MINDY4: variants seen among roughly 807,000 people sequenced by gnomAD.
The protein encoded by MINDY4 is MINDY lysine 48 deubiquitinase 4, also known as probable ubiquitin carboxyl-terminal hydrolase MINDY-4.
Under a neutral mutation model 87.0 loss-of-function variants are expected in MINDY4, and 68 were observed. The ratio of observed to expected loss-of-function variants is 0.78; its 90% CI spans 0.64 to 0.96. The LOEUF is 0.96. MINDY4 is among the 40% of genes least tolerant of loss of function. MINDY4 has a pLI of 0.00. For synonymous variants in MINDY4, 379 were observed against 363.2 expected (o/e 1.04, Z -0.50); for missense variants, 919 against 928.2 (o/e 0.99, Z 0.13).
intron 5 of MINDY4, among the ~76,000 whole-genome samples, chr7:30,816,447 C>G (rs552655232): frequency 5.3e-5 from 8 of 152,044 alleles, no homozygotes; most frequent in African/African-American, 1.7e-4. Context: ...CAAGGCCTGT[C>G]GGGAGGGACA....
At chr7:30,808,463 G>A (rs1361634521) in intron 5 of MINDY4, among the ~76,000 whole-genome samples, 1 of 151,958 alleles carries the variant, frequency 6.6e-6, no homozygotes, top group African/African-American at 2.4e-5. Flanking sequence ...TGTGTGTGTG[G>A]GTGCCCTTTT....
rs1790230848 is a variant in MINDY4 at position 30,875,501 on chromosome 7, G to A, written c.1816G>A (p.Val606Ile). The A allele has an allele frequency of 6.2e-7, 1 of 1,614,054 alleles. No individual in the cohort carries two copies. The highest frequency in any genetic ancestry group is 8.5e-7 in the Non-Finnish European group (1 of 1,180,030). The change falls in exon 15 of 18, where the codon GTC becomes ATC. Residue 606 changes from valine to isoleucine, a missense_variant. Transcript: ENST00000265299. Reference protein sequence around the residue: ...GAHGYCTQELVNLLLTGKAVS... With the variant: ...GAHGYCTQELINLLLTGKAVS... ...CCCTTTCTCTCATCTGCAGGAACTT[G>A]TCAATCTGCTCCTGACTGGGAAAGC...
chr7:30,891,812 T>C (rs1790800619), intron 17 of MINDY4, 145 bp from the exon 18 acceptor site: 3 of 779,582 alleles, frequency 3.8e-6, no homozygotes, highest in Non-Finnish European at 4.5e-6. Flanking sequence ...TGTGTGAATT[T>C]GGAGGGGTGA....
chr7:30,771,447 TGCTGCGGCCCGGC>T lies in MINDY4; in HGVS notation c.-45_-33del, dbSNP rs1310840352. On this transcript the variant is annotated 5_prime_UTR_variant, in exon 1 of 18. Transcript: ENST00000265299. Reference sequence around the variant, plus strand: ...GCGCCGGACAGACCCAGTTGCCTGGTGCTGCGGCCCGGCGTGGGCCTCGTGGGCAGAGCCAGAG... The same window carrying T: ...GCGCCGGACAGACCCAGTTGCCTGGTGTGGGCCTCGTGGGCAGAGCCAGAG... 2 of 1,577,774 alleles carry T rather than the reference TGCTGCGGCCCGGC, an allele frequency of 1.3e-6. No homozygotes were observed. Among genetic ancestry groups the T allele is most frequent in the Non-Finnish European group, 8.6e-7 (1 of 1,162,412 alleles).
At chr7:30,849,624 T>C (rs1327938368) in intron 9 of MINDY4, among the ~76,000 whole-genome samples, 1 of 152,154 alleles carries the variant, frequency 6.6e-6, no homozygotes, top group East Asian at 1.9e-4. Flanking sequence ...CCTCTGACCC[T>C]TCTTCCTCTG....
At chr7:30,885,557 C>T (rs935208686) in intron 17 of MINDY4, among the ~76,000 whole-genome samples, 5 of 152,086 alleles carry the variant, frequency 3.3e-5, no homozygotes, top group South Asian at 2.1e-4. Context: ...AAACACAAAG[C>T]GCCGTGCCCC....
chr7:30,806,557 A>C (rs1787810822), intron 5 of MINDY4, among the ~76,000 whole-genome samples: 1 of 151,930 alleles, frequency 6.6e-6, no homozygotes, highest in Middle Eastern at 3.5e-3. Context: ...GTGAGGTTGG[A>C]GTCAGATTAT....
chr7:30,870,050 TCTCTCGAATGCC>T (rs1790054844), intron 13 of MINDY4, among the ~76,000 whole-genome samples: 1 of 152,160 alleles, frequency 6.6e-6, no homozygotes, highest in Non-Finnish European at 1.5e-5. Flanking sequence ...CATCTCTCTC[TCTCTCGAATGCC>T]CTGATATGAA....
At chr7:30,869,612 G>T (rs1284113471) in intron 13 of MINDY4, among the ~76,000 whole-genome samples, 2 of 152,046 alleles carry the variant, frequency 1.3e-5, no homozygotes, top group Non-Finnish European at 2.9e-5. Context: ...CATCTTTGGT[G>T]TCCCTCTATG....
intron 5 of MINDY4, among the ~76,000 whole-genome samples, chr7:30,793,105 T>C (rs1787373393): frequency 6.8e-6 from 1 of 147,836 alleles, no homozygotes; most frequent in South Asian, 2.1e-4. Context: ...ATTTCATACA[T>C]TTAGGGTTTT....
chr7:30,840,845 C>A lies in MINDY4; in HGVS notation c.1442C>A (p.Ala481Asp). 6.2e-7 allele frequency: 1 copy of A among 1,613,546 alleles called. No homozygotes were observed. Among genetic ancestry groups the A allele is most frequent in the South Asian group, 1.1e-5 (1 of 91,018 alleles). The change falls in exon 9 of 18, where the codon GCT (alanine) becomes GAT (aspartate). Residue 481 changes from alanine to aspartate, a missense_variant. Ala to Asp is a moderately radical substitution (Grantham distance 126). Transcript: ENST00000265299. ...GAAGGAGATAGCAAAGCCGACTGTG[C>A]TCAGTAAGTCAGTGCTCTTTCTGGC... ...LFEGDSKADC[A>D]QGLQPSDAHR...
rs952153268 is a variant in MINDY4, at chr7:30,857,468, T to G, written c.1678-1789T>G. On this transcript the variant is annotated intron_variant, in intron 12 of 17. Transcript: ENST00000265299. The stretch of plus-strand genomic sequence containing the variant: ...GAGATCCATATCCACCTTGTTTTTT[T>G]TTTTTTTTTTTTTTTTTTTTTTGAG... Among the ~76,000 whole-genome samples, 3 of 57,030 alleles carry G rather than the reference T, an allele frequency of 5.3e-5. 1 individual carries two copies. The highest frequency in any genetic ancestry group is 7.9e-5 in the Non-Finnish European group (3 of 37,796). 37.4% of individuals were successfully genotyped at this position (57,030 alleles called of 152,430 possible).
intron 13 of MINDY4, 136 bp downstream of exon 13, chr7:30,859,460 T>C (rs1789683981): frequency 1.2e-6 from 1 of 815,168 alleles, no homozygotes. Context: ...AATGAAGCAG[T>C]GGAGTAGGGG....
At chr7:30,776,025 T>C (rs1786800840) in intron 1 of MINDY4, among the ~76,000 whole-genome samples, 1 of 152,248 alleles carries the variant, frequency 6.6e-6, no homozygotes, top group Admixed American at 6.5e-5. Flanking sequence ...TAGCCACTTC[T>C]TACCACTTCT....
chr7:30,781,843 A>AAATGTTGGCTG, intron 2 of MINDY4, 134 bp from the exon 3 acceptor site: 1 of 652,396 alleles, frequency 1.5e-6, no homozygotes, highest in Middle Eastern at 2.9e-4. Context: ...TGTGGCCAGT[A>AAATGTTGGCTG]AATGTTGGCT....
intron 6 of MINDY4, among the ~76,000 whole-genome samples, chr7:30,830,205 C>T (rs916062245): frequency 7.9e-5 from 12 of 152,104 alleles, no homozygotes; most frequent in African/African-American, 1.7e-4. Flanking sequence ...TACCTGCCAG[C>T]GCATATGCAA....
Position 30,804,302 on chromosome 7 carries a change from C to G in MINDY4, c.1073+12728C>G, listed in dbSNP as rs139759386. Among the ~76,000 whole-genome samples the G allele has an allele frequency of 2.5e-3, 378 of 152,282 alleles. 2 individuals are homozygous for G. Among genetic ancestry groups the G allele is most frequent in the African/African-American group, 8.7e-3 (361 of 41,560 alleles). On this transcript the variant is annotated intron_variant, in intron 5 of 17. Coordinates refer to ENST00000265299, the MANE Select transcript of MINDY4 (RefSeq NM_032222.3). ...AGAAGTTAGTAAAGCCATGGGATTT[C>G]TTTCATTTCCTGTTGAGGCCAGTTT...
At chr7:30,841,452 G>A (rs1789034825) in intron 9 of MINDY4, among the ~76,000 whole-genome samples, 1 of 152,196 alleles carries the variant, frequency 6.6e-6, no homozygotes, top group South Asian at 2.1e-4. Flanking sequence ...GAGGCAGATA[G>A]AAAACCCCAA....
intron 13 of MINDY4, among the ~76,000 whole-genome samples, chr7:30,871,308 C>G (rs1409235895): frequency 6.6e-6 from 1 of 152,226 alleles, no homozygotes; most frequent in East Asian, 1.9e-4. Flanking sequence ...ACCTGCTGAG[C>G]ACAGTGAGTA....
Sources: allele counts gnomAD v4.1 joint callset (sites outside exome capture counted in the v4.1 genomes callset), GRCh38; gene constraint gnomAD v4.1.1; transcripts MANE v1.5; gene names NCBI Gene and HGNC (gene_info 2026-07-23, HGNC 2026-07-21).